Variants in SHLD1 observed in about 807,000 individuals in gnomAD.
The protein encoded by SHLD1 is RINN1-REV7-interacting novel NHEJ regulator 3.
In SHLD1, 3 loss-of-function variants were observed where a neutral mutation model predicts 5.5. That is an observed-to-expected ratio of 0.54 (90% CI 0.25 to 1.40). SHLD1 has a LOEUF of 1.40. Among genes scored for constraint, SHLD1 ranks in the 40% most tolerant of loss-of-function variants. The pLI is 0.15. For synonymous variants in SHLD1, 92 were observed against 94.3 expected (o/e 0.98, Z 0.14); for missense variants, 210 against 244.4 (o/e 0.86, Z 0.94).
chr20:5,846,364 G>A (rs536079454), intron 2 of SHLD1, among the ~76,000 whole-genome samples: 1 of 152,286 alleles, frequency 6.6e-6, no homozygotes, highest in East Asian at 1.9e-4. Context: ...TTTCTTACGC[G>A]TAAGGTTGAC....
intron 2 of SHLD1, among the ~76,000 whole-genome samples, chr20:5,810,055 T>C (rs171059): frequency 1.3e-5 from 2 of 151,908 alleles, no homozygotes; most frequent in African/African-American, 2.4e-5. Flanking sequence ...TCAGGAGTTC[T>C]AGACCAGCCT....
intron 2 of SHLD1, among the ~76,000 whole-genome samples, chr20:5,860,876 TAAAAAAAAAAAAAAAAAAA>T (rs10555301): frequency 0.027 from 2,686 of 100,814 alleles, 128 homozygotes; most frequent in African/African-American, 0.091. Flanking sequence ...TACTATTCTT[TAAAAAAAAAAAAAAAAAAA>T]AAAAAAAAAA....
chr20:5,795,470 G>C (rs183239782), intron 2 of SHLD1, among the ~76,000 whole-genome samples: 4 of 151,372 alleles, frequency 2.6e-5, no homozygotes, highest in African/African-American at 9.7e-5. Context: ...GTGGTGGCAC[G>C]TGCCTGTAAT....
At chr20:5,819,225 C>T (rs577039262) in intron 2 of SHLD1, among the ~76,000 whole-genome samples, 1 of 152,106 alleles carries the variant, frequency 6.6e-6, no homozygotes, top group African/African-American at 2.4e-5. Context: ...CCTAGTGGAA[C>T]TAAGCATGGT....
chr20:5,844,799 A>ATATATTTTTTT (rs1460082835), intron 2 of SHLD1, among the ~76,000 whole-genome samples: 3 of 71,716 alleles, frequency 4.2e-5, no homozygotes, highest in African/African-American at 8.3e-5. Flanking sequence ...ATATATATAT[A>ATATATTTTTTT]TTTTTTTTTT....
intron 2 of SHLD1, among the ~76,000 whole-genome samples, chr20:5,795,946 C>T (rs191253551): frequency 1.3e-5 from 2 of 151,576 alleles, no homozygotes; most frequent in African/African-American, 4.8e-5. Context: ...GAGCCGAGAT[C>T]GCACCACTGC....
At position 5,824,044 on chromosome 20, in the gene SHLD1, C is replaced by T. The variant is rs969763555; in HGVS notation, c.179-38980C>T. Among the ~76,000 whole-genome samples the T allele has an allele frequency of 2.6e-5, 4 of 152,180 alleles. No individual in the cohort carries two copies. The South Asian group carries it at 8.3e-4, about 32-fold the overall frequency. ...AATGTCACTTCCACCTGCTTAAAACCTTTCAGTGCGCTTAGGACACAATCC... is the reference window on the plus strand; with the variant it reads ...AATGTCACTTCCACCTGCTTAAAACTTTTCAGTGCGCTTAGGACACAATCC... On this transcript the variant is annotated intron_variant, in intron 2 of 2. Coordinates refer to ENST00000303142, the MANE Select transcript of SHLD1 (RefSeq NM_152504.4).
chr20:5,762,971 C>CAAA (rs561487362), intron 1 of SHLD1, among the ~76,000 whole-genome samples: 3 of 102,694 alleles, frequency 2.9e-5, no homozygotes, highest in African/African-American at 7.8e-5. Context: ...GACTCCGTCT[C>CAAA]AAAAAAAAAA....
intron 2 of SHLD1, among the ~76,000 whole-genome samples, chr20:5,854,618 C>T (rs1300823783): frequency 1.3e-5 from 2 of 152,184 alleles, no homozygotes; most frequent in African/African-American, 2.4e-5. Context: ...GAGATAGCGA[C>T]AGCCAAGACT....
chr20:5,820,348 A>T (rs2087592889), intron 2 of SHLD1, among the ~76,000 whole-genome samples: 1 of 152,254 alleles, frequency 6.6e-6, no homozygotes, highest in African/African-American at 2.4e-5. Flanking sequence ...TACTCAACGG[A>T]TACAAAAGAG....
chr20:5,776,662 C>T (rs1305441283), intron 2 of SHLD1, among the ~76,000 whole-genome samples: 1 of 152,016 alleles, frequency 6.6e-6, no homozygotes, highest in Non-Finnish European at 1.5e-5. Context: ...ACTCGGGGGC[C>T]TGAGGCAGGA....
rs138169431 is a variant in SHLD1, at chr20:5,800,035, G to T, written c.178+26992G>T. ...TTCTCAAAGTGATTTTGTCCTTCAGGGGGTATTTGGCAATGTCTGGAGACA... is the reference window on the plus strand; with the variant it reads ...TTCTCAAAGTGATTTTGTCCTTCAGTGGGTATTTGGCAATGTCTGGAGACA... On this transcript the variant is annotated intron_variant, in intron 2 of 2. Transcript: ENST00000303142. 7.9e-4 allele frequency among the ~76,000 whole-genome samples: 120 copies of T among 152,002 alleles called. 2 individuals are homozygous for T. The East Asian group carries it at 0.022, about 27-fold the overall frequency.
At chr20:5,755,751 G>T (rs1242789429) in intron 1 of SHLD1, among the ~76,000 whole-genome samples, 2 of 151,918 alleles carry the variant, frequency 1.3e-5, no homozygotes, top group African/African-American at 2.4e-5. Context: ...TAGAGACGGG[G>T]TTTCTCCATG....
chr20:5,772,917 T>C lies in SHLD1; in HGVS notation c.52T>C (p.Leu18=). 6.2e-7 allele frequency: 1 copy of C among 1,614,184 alleles called. No individual in the cohort carries two copies. Among genetic ancestry groups the C allele is most frequent in the South Asian group, 1.1e-5 (1 of 91,088 alleles). Reference sequence around the variant, plus strand: ...CAGCCTGTCAGAGGAGAGCAGTGCTTTGGACCTGCCATCAGCGTGTGACAT... The same window carrying C: ...CAGCCTGTCAGAGGAGAGCAGTGCTCTGGACCTGCCATCAGCGTGTGACAT... ...SGSLSEESSA[L]DLPSACDIRD... Residue 18 remains leucine (L), a synonymous_variant, in exon 2 of 3, where the codon TTG becomes CTG. Transcript: ENST00000303142.
chr20:5,834,119 A>G (rs73596853), intron 2 of SHLD1, among the ~76,000 whole-genome samples: 2,378 of 152,276 alleles, frequency 0.016, 84 homozygotes, highest in African/African-American at 0.054. Context: ...ACAGTGCTCA[A>G]TTTTGGGGAA....
chr20:5,817,424 CTCTCTCTCTGTGTGTG>C (rs1278104528), intron 2 of SHLD1, among the ~76,000 whole-genome samples: 5 of 130,236 alleles, frequency 3.8e-5, no homozygotes, highest in Non-Finnish European at 7.7e-5. Context: ...CTCTCTCTCT[CTCTCTCTCTGTGTGTG>C]TGTGTGTGTG....
At chr20:5,787,199 T>C (rs1340346911) in intron 2 of SHLD1, among the ~76,000 whole-genome samples, 1 of 152,202 alleles carries the variant, frequency 6.6e-6, no homozygotes, top group Non-Finnish European at 1.5e-5. Context: ...AGGCATTGCC[T>C]TCTCAGTTAA....
chr20:5,786,469 G>A (rs1439831412), intron 2 of SHLD1, among the ~76,000 whole-genome samples: 1 of 152,166 alleles, frequency 6.6e-6, no homozygotes, highest in African/African-American at 2.4e-5. Context: ...CAGGTACTTA[G>A]GAGGCTGAGG....
chr20:5,849,370 A>ACTGGT, intron 2 of SHLD1, among the ~76,000 whole-genome samples: 1 of 152,064 alleles, frequency 6.6e-6, no homozygotes, highest in East Asian at 1.9e-4. Context: ...TGGTGAAAAC[A>ACTGGT]GGGAAAAGGA....
Sources: gnomAD v4.1 joint callset for allele counts (sites outside exome capture counted in the v4.1 genomes callset) on GRCh38, gnomAD v4.1.1 for gene constraint, MANE v1.5 for transcripts, NCBI Gene and HGNC (gene_info 2026-07-23, HGNC 2026-07-21) for gene names.